TRAPPC8: variants seen among roughly 807,000 people sequenced by gnomAD.
TRAPPC8 encodes the protein trafficking protein particle complex subunit 8.
In TRAPPC8, 54 loss-of-function variants were observed where a neutral mutation model predicts 174.3. The ratio of observed to expected loss-of-function variants is 0.31; its 90% CI spans 0.25 to 0.39. The LOEUF (loss-of-function observed/expected upper bound fraction) is 0.39. Among genes scored for constraint, TRAPPC8 ranks in the 10% least tolerant of loss-of-function variants. TRAPPC8 has a pLI of 1.00. For synonymous variants in TRAPPC8, 630 were observed against 579.9 expected, an observed-to-expected ratio of 1.09 and a Z score of -1.24; for missense variants, 1,531 against 1,699.1, an observed-to-expected ratio of 0.90 and a Z score of 1.74.
At chr18:31,836,331 A>G (rs986992089) in intron 27 of TRAPPC8, among the ~76,000 whole-genome samples, 1 of 152,172 alleles carries the variant, frequency 6.6e-6, no homozygotes, top group East Asian at 1.9e-4. Flanking sequence ...GGAATGCTTC[A>G]TTTAACCCAC....
At chr18:31,910,679 T>C (rs2036867128) in intron 5 of TRAPPC8, among the ~76,000 whole-genome samples, 1 of 152,190 alleles carries the variant, frequency 6.6e-6, no homozygotes, top group Non-Finnish European at 1.5e-5. Flanking sequence ...ACAGACGCAG[T>C]CATTCGTAAG....
At chr18:31,913,228 A>G (rs1189496654) in intron 5 of TRAPPC8, 141 bp downstream of exon 5, 2 of 831,634 alleles carry the variant, frequency 2.4e-6, no homozygotes, top group Admixed American at 7.2e-5. Flanking sequence ...CTTTTAAACC[A>G]CTGACCTAAG....
chr18:31,849,056 G>A (rs907025532), intron 25 of TRAPPC8, among the ~76,000 whole-genome samples: 4 of 151,814 alleles, frequency 2.6e-5, no homozygotes, highest in Non-Finnish European at 5.9e-5. Context: ...AGATAATACT[G>A]TGCAGTTATA....
In TRAPPC8 at chr18:31,930,015, C is replaced by T. The variant is rs144241073; in HGVS notation, c.352+1314G>A. On this transcript the variant is annotated intron_variant, in intron 2 of 28. Transcript: ENST00000283351. Reference sequence around the variant, plus strand: ...AGAAAAAAGAAAAAAATACAGAACACTTAAACGAAATAATTCTACAAATAT... The same window carrying T: ...AGAAAAAAGAAAAAAATACAGAACATTTAAACGAAATAATTCTACAAATAT... Among the ~76,000 whole-genome samples the T allele has an allele frequency of 2.5e-3, 378 of 152,210 alleles. 1 individual carries two copies. The highest frequency in any genetic ancestry group is 8.8e-3 in the African/African-American group (365 of 41,532).
intron 5 of TRAPPC8, 24 bp from the exon 6 acceptor site, chr18:31,909,784 C>T: frequency 6.8e-7 from 1 of 1,467,392 alleles, no homozygotes; most frequent in Non-Finnish European, 9.3e-7. Context: ...ATTTAAAAAG[C>T]ATTAGCAGTT....
intron 24 of TRAPPC8, 36 bp from the exon 25 acceptor site, chr18:31,849,775 TTTAA>T (rs1169516623): frequency 1.1e-5 from 17 of 1,524,788 alleles, no homozygotes; most frequent in South Asian, 1.3e-5. Flanking sequence ...CATAAATGCT[TTTAA>T]TTATGTTGTC....
At chr18:31,917,260 T>C (rs1474527712) in intron 3 of TRAPPC8, among the ~76,000 whole-genome samples, 6 of 152,102 alleles carry the variant, frequency 3.9e-5, no homozygotes, top group African/African-American at 9.7e-5. Flanking sequence ...GCAGTTAACA[T>C]TGTTTAGATT....
chr18:31,942,702 A>G lies in TRAPPC8; in HGVS notation c.63T>C (p.Ala21=), dbSNP rs757605073. The G allele has an allele frequency of 2.5e-6, 4 of 1,607,932 alleles. No individual in the cohort carries two copies. Among genetic ancestry groups the G allele is most frequent in the East Asian group, 2.2e-5 (1 of 44,546 alleles). ...LIPDSFVPCV[A]ALCSDEAERL... ...GCTCGGCTTCGTCGCTGCACAGCGCAGCGACACAGGGGACGAAGGAGTCCG... is the reference window on the plus strand; with the variant it reads ...GCTCGGCTTCGTCGCTGCACAGCGCGGCGACACAGGGGACGAAGGAGTCCG... Residue 21 remains alanine (A), a synonymous_variant, in exon 1 of 29, where the codon GCT becomes GCC. Coordinates refer to ENST00000283351, the MANE Select transcript of TRAPPC8 (RefSeq NM_014939.5).
intron 12 of TRAPPC8, among the ~76,000 whole-genome samples, chr18:31,880,481 C>T (rs957457691): frequency 6.6e-6 from 1 of 151,950 alleles, no homozygotes; most frequent in South Asian, 2.1e-4. Flanking sequence ...AAACTAAGCA[C>T]TGTAAGAAAC....
At chr18:31,882,010 G>A (rs961910226) in intron 12 of TRAPPC8, among the ~76,000 whole-genome samples, 1 of 152,170 alleles carries the variant, frequency 6.6e-6, no homozygotes, top group Non-Finnish European at 1.5e-5. Flanking sequence ...TGGTGGGAAT[G>A]TAAGTTAGTT....
chr18:31,885,820 A>AT (rs1568091468), intron 12 of TRAPPC8, among the ~76,000 whole-genome samples: 1 of 151,656 alleles, frequency 6.6e-6, no homozygotes, highest in Non-Finnish European at 1.5e-5. Flanking sequence ...AGATCGCGCC[A>AT]TTGCACTCCA....
At chr18:31,862,577 A>C (rs573265366) in intron 19 of TRAPPC8, among the ~76,000 whole-genome samples, 36 of 152,258 alleles carry the variant, frequency 2.4e-4, no homozygotes, top group African/African-American at 8.7e-4. Flanking sequence ...GGGTCAGTCC[A>C]TAAGTTTTTT....
chr18:31,897,257 C>G (rs2036221317), intron 11 of TRAPPC8, among the ~76,000 whole-genome samples: 2 of 152,104 alleles, frequency 1.3e-5, no homozygotes, highest in Non-Finnish European at 2.9e-5. Flanking sequence ...AAATCTTCAA[C>G]AACTATAAAT....
chr18:31,892,045 G>C (rs142638306), intron 11 of TRAPPC8, among the ~76,000 whole-genome samples: 1 of 152,102 alleles, frequency 6.6e-6, no homozygotes, highest in African/African-American at 2.4e-5. Context: ...TCTTAAAAAC[G>C]GGTTTGTGTC....
chr18:31,867,401 C>G lies in TRAPPC8; in HGVS notation c.2463+1G>C. The G allele has an allele frequency of 6.3e-7, 1 of 1,595,988 alleles. No individual in the cohort carries two copies. The highest frequency in any genetic ancestry group is 8.6e-7 in the Non-Finnish European group (1 of 1,165,216). On this transcript the variant is annotated splice_donor_variant, in intron 17 of 28. Transcript: ENST00000283351. LOFTEE classifies it high-confidence loss of function. The stretch of plus-strand genomic sequence containing the variant: ...AAGCAGAGAAATGATAAAATAATTA[C>G]CACTTTTGATTCTTCGCCATTAATT...
intron 12 of TRAPPC8, among the ~76,000 whole-genome samples, chr18:31,884,708 T>A (rs564308681): frequency 2.5e-4 from 38 of 152,254 alleles, no homozygotes; most frequent in Admixed American, 2.5e-3. Context: ...GGGGGTTTTT[T>A]AAAGAAATAT....
intron 10 of TRAPPC8, among the ~76,000 whole-genome samples, chr18:31,898,214 ATTAT>A (rs2036264490): frequency 6.6e-6 from 1 of 152,002 alleles, no homozygotes; most frequent in South Asian, 2.1e-4. Context: ...TTGTATTGTT[ATTAT>A]TTATTGTTGG....
intron 1 of TRAPPC8, among the ~76,000 whole-genome samples, chr18:31,940,793 G>A (rs965639841): frequency 2.6e-5 from 4 of 152,016 alleles, no homozygotes; most frequent in African/African-American, 7.2e-5. Flanking sequence ...CACCGCGCCC[G>A]GCCGAAAATT....
chr18:31,879,693 CACAA>C (rs1165102859), intron 12 of TRAPPC8, among the ~76,000 whole-genome samples: 2 of 151,678 alleles, frequency 1.3e-5, no homozygotes, highest in African/African-American at 4.8e-5. Flanking sequence ...TATTTGAAAA[CACAA>C]ACAAAATTGA....
Sources: gnomAD v4.1 joint callset for allele counts (sites outside exome capture counted in the v4.1 genomes callset) on GRCh38, gnomAD v4.1.1 for gene constraint, MANE v1.5 for transcripts, NCBI Gene and HGNC (gene_info 2026-07-23, HGNC 2026-07-21) for gene names.